EIF2AK4: variants seen among roughly 807,000 people sequenced by gnomAD.
The protein encoded by EIF2AK4 is eIF-2-alpha kinase GCN2.
In EIF2AK4, 139 loss-of-function variants were observed where a neutral mutation model predicts 211.1. The ratio of observed to expected loss-of-function variants is 0.66; its 90% CI spans 0.57 to 0.76. The LOEUF (loss-of-function observed/expected upper bound fraction) is 0.76, where lower values mean the gene tolerates loss of function less well. Among genes scored for constraint, EIF2AK4 ranks in the 30% least tolerant of loss-of-function variants. The pLI is 0.00. For synonymous variants in EIF2AK4, 710 were observed against 751.3 expected (o/e 0.94, Z 0.90); for missense variants, 1,664 against 2,043.8 (o/e 0.81, Z 3.58).
chr15:39,992,869 A>G, intron 18 of EIF2AK4, 21 bp downstream of exon 18: 2 of 1,610,498 alleles, frequency 1.2e-6, no homozygotes, highest in Non-Finnish European at 1.7e-6. Context: ...TTGTGGGGAA[A>G]AGGAATCTCA....
chr15:40,007,933 T>C (rs2035182932), intron 24 of EIF2AK4, 94 bp from the exon 25 acceptor site: 1 of 1,019,372 alleles, frequency 9.8e-7, no homozygotes, highest in Admixed American at 2.9e-5. Flanking sequence ...TTAATTTTTT[T>C]TCATATTTGT....
intron 33 of EIF2AK4, among the ~76,000 whole-genome samples, chr15:40,026,518 C>T (rs115625497): frequency 6.9e-4 from 105 of 152,284 alleles, no homozygotes; most frequent in African/African-American, 2.4e-3. Context: ...GTCAGGATTA[C>T]TTTTAATGAA....
intron 2 of EIF2AK4, 142 bp downstream of exon 2, chr15:39,939,759 A>G: frequency 1.7e-6 from 1 of 576,462 alleles, no homozygotes; most frequent in Non-Finnish European, 2.9e-6. Context: ...ACAAAACTAC[A>G]TCAGCAATAG....
Position 39,939,634 on chromosome 15 carries a change from A to C in EIF2AK4, c.257+17A>C, listed in dbSNP as rs373471213. The C allele has an allele frequency of 4.4e-6, 7 of 1,580,926 alleles. No homozygotes were observed. The highest frequency in any genetic ancestry group is 2.7e-5 in the African/African-American group (2 of 74,076). On this transcript the variant is annotated intron_variant, in intron 2 of 38. Coordinates refer to ENST00000263791, the MANE Select transcript of EIF2AK4 (RefSeq NM_001013703.4). ...TCCAGATGTGTGAGTACATTTATAA[A>C]TAGCTTTGACGTGGTTTCAGTTTTC...
chr15:39,990,749 A>G (rs1595413568), intron 16 of EIF2AK4, among the ~76,000 whole-genome samples: 1 of 152,254 alleles, frequency 6.6e-6, no homozygotes, highest in Admixed American at 6.5e-5. Context: ...GTAAAACACC[A>G]GGAGACCATA....
intron 27 of EIF2AK4, among the ~76,000 whole-genome samples, chr15:40,015,656 G>GT (rs2035294280): frequency 6.6e-6 from 1 of 152,058 alleles, no homozygotes; most frequent in Middle Eastern, 3.2e-3. Context: ...CATTTTTTGG[G>GT]TTTTTTAAAA....
At chr15:39,986,887 A>G (rs2034873754) in intron 14 of EIF2AK4, among the ~76,000 whole-genome samples, 1 of 152,092 alleles carries the variant, frequency 6.6e-6, no homozygotes, top group South Asian at 2.1e-4. Flanking sequence ...CAACAAAAAC[A>G]AAGAAGTCTT....
chr15:39,996,502 G>A (rs1356410768), intron 18 of EIF2AK4, among the ~76,000 whole-genome samples: 1 of 152,102 alleles, frequency 6.6e-6, no homozygotes, highest in African/African-American at 2.4e-5. Context: ...TCCAGGAGTT[G>A]GAGACCAGCC....
rs189593757 is a variant in EIF2AK4, at chr15:40,003,660, C to A, written c.3357+346C>A. On this transcript the variant is annotated intron_variant, in intron 23 of 38. Coordinates refer to ENST00000263791, the MANE Select transcript of EIF2AK4 (RefSeq NM_001013703.4). ...TTTGTTTGTCTTTTTAACTTCCTGG[C>A]TAGATCTTCAGTAAACATCCTAACA... 1.4e-3 allele frequency among the ~76,000 whole-genome samples: 216 copies of A among 152,288 alleles called. 2 individuals carry two copies. Among genetic ancestry groups the A allele is most frequent in the Non-Finnish European group, 4.1e-4 (28 of 68,028 alleles).
chr15:39,963,372 A>G (rs1454700008), intron 7 of EIF2AK4, among the ~76,000 whole-genome samples: 4 of 152,178 alleles, frequency 2.6e-5, no homozygotes, highest in Non-Finnish European at 2.9e-5. Context: ...TCTTATTCTC[A>G]CTGGTACTCA....
At chr15:39,968,003 T>C in intron 9 of EIF2AK4, 124 bp downstream of exon 9, 1 of 977,104 alleles carries the variant, frequency 1.0e-6, no homozygotes, top group Non-Finnish European at 1.5e-6. Context: ...CATTCTTTGC[T>C]CTCCCAATCC....
chr15:39,978,384 C>T (rs1417901111), intron 13 of EIF2AK4: 2 of 254,794 alleles, frequency 7.8e-6, no homozygotes, highest in East Asian at 1.4e-4. Flanking sequence ...AGTTGAGACA[C>T]TGCATTTTTG....
chr15:39,936,018 G>C (rs13380337), intron 1 of EIF2AK4, among the ~76,000 whole-genome samples: 1 of 152,108 alleles, frequency 6.6e-6, no homozygotes, highest in Non-Finnish European at 1.5e-5. Context: ...AGTGTACATG[G>C]GACTCAACAC....
intron 16 of EIF2AK4, 130 bp downstream of exon 16, chr15:39,990,507 C>G (rs1595413400): frequency 1.3e-6 from 1 of 754,570 alleles, no homozygotes; most frequent in East Asian, 2.5e-5. Context: ...TTATACAAAC[C>G]TGAAGGGGTA....
At chr15:39,981,843 C>T (rs958696811) in intron 13 of EIF2AK4, among the ~76,000 whole-genome samples, 1 of 151,330 alleles carries the variant, frequency 6.6e-6, no homozygotes, top group African/African-American at 2.4e-5. Context: ...CCTAGAGGGT[C>T]ATTCACTGTA....
At chr15:40,001,639 A>AG (rs2035093776) in intron 21 of EIF2AK4, among the ~76,000 whole-genome samples, 1 of 151,550 alleles carries the variant, frequency 6.6e-6, no homozygotes, top group African/African-American at 2.4e-5. Flanking sequence ...AACTCAAAAA[A>AG]AAAAAAAAAA....
chr15:40,025,258 C>T (rs999392690), intron 32 of EIF2AK4, among the ~76,000 whole-genome samples: 1 of 152,138 alleles, frequency 6.6e-6, no homozygotes. Context: ...TCATGGAGAG[C>T]CCAAATGCCA....
At position 39,990,323 on chromosome 15, in the gene EIF2AK4, T is replaced by G. The variant is rs201184165; in HGVS notation, c.2577T>G (p.Asp859Glu). The G allele has an allele frequency of 6.2e-7, 1 of 1,614,222 alleles. No individual in the cohort carries two copies. The highest frequency in any genetic ancestry group is 8.5e-7 in the Non-Finnish European group (1 of 1,180,032). Residue 859 changes from aspartate (D) to glutamate (E), a missense_variant, in exon 16 of 39, where the codon GAT becomes GAG. Physicochemically the swap from Asp to Glu is conservative, Grantham distance 45. Transcript: ENST00000263791. ...CTGTCAACATTTTTTTGGATTCTGA[T>G]GACCATGTGAAAATAGGTGATTTTG... The part of the protein sequence containing the change: ...LKPVNIFLDS[D>E]DHVKIGDFGL...
intron 21 of EIF2AK4, 106 bp downstream of exon 21, chr15:40,001,330 G>C: frequency 8.8e-7 from 1 of 1,132,182 alleles, no homozygotes; most frequent in Non-Finnish European, 1.3e-6. Flanking sequence ...GTTCTTATGT[G>C]AGGTATTGGA....
Sources: allele counts gnomAD v4.1 joint callset (sites outside exome capture counted in the v4.1 genomes callset), GRCh38; gene constraint gnomAD v4.1.1; transcripts MANE v1.5; gene names NCBI Gene and HGNC (gene_info 2026-07-23, HGNC 2026-07-21).